CHD6: variants seen among roughly 807,000 people sequenced by gnomAD.
The protein encoded by CHD6 is ATP-dependent chromatin remodeler CHD6.
CHD6 carries 50 observed loss-of-function variants against 276.9 expected under a neutral mutation model. The ratio of observed to expected loss-of-function variants is 0.18; its 90% confidence interval spans 0.14 to 0.23. The LOEUF (loss-of-function observed/expected upper bound fraction) is 0.23, where lower values mean the gene tolerates loss of function less well. Ranked by LOEUF, CHD6 falls within the 10% of genes least tolerant of loss-of-function variation. The pLI is 1.00. For missense variants in CHD6, 2,564 were observed against 3,365.8 expected, an observed-to-expected ratio of 0.76 and a Z score of 5.89; for synonymous variants, 1,173 against 1,229.3, an observed-to-expected ratio of 0.95 and a Z score of 0.96.
chr20:41,531,519 A>G (rs780332720), intron 3 of CHD6, among the ~76,000 whole-genome samples: 1 of 152,194 alleles, frequency 6.6e-6, no homozygotes, highest in Non-Finnish European at 1.5e-5. Context: ...GAGTATGCTC[A>G]CTAGGTTCAC....
intron 17 of CHD6, among the ~76,000 whole-genome samples, chr20:41,471,651 T>C (rs916050229): frequency 3.3e-5 from 5 of 152,062 alleles, no homozygotes; most frequent in African/African-American, 1.2e-4. Flanking sequence ...TTCTCCTGCC[T>C]TAGTCTCCCG....
At chr20:41,494,069 G>A (rs1447096548) in intron 8 of CHD6, 125 bp from the exon 9 acceptor site, 7 of 646,804 alleles carry the variant, frequency 1.1e-5, no homozygotes, top group East Asian at 5.5e-5. Flanking sequence ...GAAAGGGTTT[G>A]CTTAAGAATA....
chr20:41,470,803 A>G (rs2043035527), intron 17 of CHD6, among the ~76,000 whole-genome samples: 1 of 152,320 alleles, frequency 6.6e-6, no homozygotes, highest in Non-Finnish European at 1.5e-5. Context: ...CACCTATTCA[A>G]CTGGTAATGT....
chr20:41,533,118 G>A lies in CHD6; in HGVS notation c.486C>T (p.Gly162=), dbSNP rs1013914569. The A allele has an allele frequency of 6.8e-6, 11 of 1,614,010 alleles. No homozygotes were observed. In the African/African-American group the frequency reaches 1.3e-4, roughly 20 times the overall value. The change falls in exon 3 of 37, where the codon GGC becomes GGT. Residue 162 remains glycine, a synonymous_variant. Transcript: ENST00000373233. ...TCCTCTTCTCTTTGGCCTCCTTGGT[G>A]CCCGAGGCCTCCCGGGGCTTCCGTG... ...KKARKPREAS[G]TKEAKEKRSC...
At position 41,617,948 on chromosome 20, in the gene CHD6, G is replaced by T. The variant is rs925303955; in HGVS notation, c.-24+392C>A. Among the ~76,000 whole-genome samples, 561 of 137,886 alleles carry T rather than the reference G, an allele frequency of 4.1e-3. 4 individuals are homozygous for T. Among genetic ancestry groups the T allele is most frequent in the Non-Finnish European group, 6.4e-3 (393 of 61,544 alleles). The allele number at this position is 137,886 out of a possible 152,430, so 90.5% of individuals were successfully genotyped here. On this transcript the variant is annotated intron_variant, in intron 1 of 36. Coordinates refer to ENST00000373233, the MANE Select transcript of CHD6 (RefSeq NM_032221.5). Reference sequence around the variant, plus strand: ...CCGGGGGTCCCACCGCGCCCGCCCCGGGGGGGGCCTCGGCACGCCCCGCCC... The same window carrying T: ...CCGGGGGTCCCACCGCGCCCGCCCCTGGGGGGGCCTCGGCACGCCCCGCCC...
chr20:41,514,456 G>A (rs546674812), intron 4 of CHD6, among the ~76,000 whole-genome samples: 3 of 152,062 alleles, frequency 2.0e-5, no homozygotes, highest in African/African-American at 4.8e-5. Context: ...ATCCCTGTAC[G>A]GGCTGGCCTG....
chr20:41,501,014 G>A (rs1482790631), intron 5 of CHD6, among the ~76,000 whole-genome samples: 1 of 152,168 alleles, frequency 6.6e-6, no homozygotes, highest in African/African-American at 2.4e-5. Context: ...TTAATGAGCA[G>A]CAAGGACCAC....
At chr20:41,416,507 G>T in intron 33 of CHD6, 81 bp downstream of exon 33, 1 of 1,304,820 alleles carries the variant, frequency 7.7e-7, no homozygotes, top group Non-Finnish European at 1.1e-6. Flanking sequence ...GTAAATACTT[G>T]CTGAATGAAT....
chr20:41,403,918 G>C lies in CHD6; in HGVS notation c.*675C>G. On this transcript the variant is annotated 3_prime_UTR_variant, in exon 37 of 37. Transcript: ENST00000373233. ...TTTTCACTGGTGAGAGGGATGTATA[G>C]AAAATAATGCCTAGTCAGTCAGTAT... The C allele has an allele frequency of 9.5e-7, 1 of 1,055,136 alleles. No individual in the cohort carries two copies. The highest frequency in any genetic ancestry group is 1.1e-6 in the Non-Finnish European group (1 of 872,970). 65.4% of individuals were successfully genotyped at this position (1,055,136 alleles called of 1,614,324 possible).
chr20:41,446,967 T>C (rs528363663), intron 24 of CHD6, among the ~76,000 whole-genome samples: 3 of 152,318 alleles, frequency 2.0e-5, no homozygotes, highest in East Asian at 1.9e-4. Context: ...GGAATTCTGC[T>C]GCATTTATAC....
Position 41,452,099 on chromosome 20 carries a change from A to G in CHD6, c.3324-74T>C. On this transcript the variant is annotated intron_variant, in intron 21 of 36. Coordinates refer to ENST00000373233, the MANE Select transcript of CHD6 (RefSeq NM_032221.5). The surrounding 1 kb of genome is among the most constrained non-coding windows in gnomAD (Gnocchi z 4.2). ...ATGCAGGCAGCCTCCCCACAGGAGG[A>G]GAAACAAGAGCCATACATGCTTTTT... 1 of 1,113,972 alleles carries G rather than the reference A, an allele frequency of 9.0e-7. No individual in the cohort carries two copies. The highest frequency in any genetic ancestry group is 1.4e-6 in the Non-Finnish European group (1 of 740,502). 69.0% of individuals were successfully genotyped at this position (1,113,972 alleles called of 1,614,324 possible). A position where few individuals can be genotyped will look rare whatever the true frequency, so the allele number is the denominator to read the frequency against.
intron 2 of CHD6, among the ~76,000 whole-genome samples, chr20:41,545,426 G>A (rs528411173): frequency 3.9e-4 from 59 of 152,284 alleles, no homozygotes; most frequent in African/African-American, 1.4e-3. Flanking sequence ...GAAAAGAGGT[G>A]GATAGGTCCC....
rs768620193 is a variant in CHD6 at position 41,421,903 on chromosome 20, C to T, written c.4732G>A (p.Gly1578Arg). 1 of 1,614,218 alleles carries T rather than the reference C, an allele frequency of 6.2e-7. No homozygotes were observed. The highest frequency in any genetic ancestry group is 2.2e-5 in the East Asian group (1 of 44,878). Residue 1578 changes from glycine (G) to arginine (R), a missense_variant, in exon 31 of 37, where the codon GGG (glycine) becomes AGG (arginine). Around this residue, in one of 7 missense-constraint regions of CHD6, gnomAD observed 515 missense variants for 739.5 expected, o/e 0.70. Transcript: ENST00000373233. ...SLYLPVWWECGKHDRDLLIGT... is the reference protein window; with the variant it reads ...SLYLPVWWECRKHDRDLLIGT... Reference sequence around the variant, plus strand: ...ATGAGCAGGTCTCGATCATGCTTCCCACACTCCCACCAGACTGGGAGGTAG... The same window carrying T: ...ATGAGCAGGTCTCGATCATGCTTCCTACACTCCCACCAGACTGGGAGGTAG...
chr20:41,482,398 T>A (rs537226164), intron 16 of CHD6: 1 of 305,338 alleles, frequency 3.3e-6, no homozygotes, highest in Non-Finnish European at 6.5e-6. Context: ...TTATGTTACA[T>A]TAAGTGTCAG....
chr20:41,498,799 A>G (rs907380207), intron 6 of CHD6, among the ~76,000 whole-genome samples: 4 of 94,814 alleles, frequency 4.2e-5, no homozygotes, highest in African/African-American at 1.8e-4. Flanking sequence ...GTATGTATGT[A>G]TGTATGTATG....
chr20:41,408,602 C>T (rs1160393593), intron 36 of CHD6, among the ~76,000 whole-genome samples: 2 of 152,210 alleles, frequency 1.3e-5, no homozygotes, highest in African/African-American at 2.4e-5. Context: ...GCCCAGGGTG[C>T]TTCAGCCAGG....
intron 27 of CHD6, among the ~76,000 whole-genome samples, chr20:41,430,666 A>G (rs2047508113): frequency 6.6e-6 from 1 of 152,172 alleles, no homozygotes; most frequent in Admixed American, 6.5e-5. Context: ...CCCTCAAATG[A>G]AGACAGGGTG....
chr20:41,487,602 T>A, intron 14 of CHD6, 63 bp downstream of exon 14: 1 of 1,498,868 alleles, frequency 6.7e-7, no homozygotes, highest in Non-Finnish European at 9.0e-7. Flanking sequence ...CATAGCATCC[T>A]GCTCTTTTCT....
At chr20:41,425,429 A>G in intron 28 of CHD6, 35 bp from the exon 29 acceptor site, 1 of 1,571,682 alleles carries the variant, frequency 6.4e-7, no homozygotes, top group Non-Finnish European at 8.7e-7. Context: ...GTATTTACAA[A>G]CAGAACTAAA....
Sources: allele counts gnomAD v4.1 joint callset (sites outside exome capture counted in the v4.1 genomes callset), GRCh38; gene constraint gnomAD v4.1.1; regional missense constraint gnomAD v4.1.1; non-coding constraint Gnocchi (gnomAD v3.1); transcripts MANE v1.5; gene names NCBI Gene and HGNC (gene_info 2026-07-23, HGNC 2026-07-21).